The following CTCF variants were observed in gnomAD, a reference collection of about 807,000 sequenced individuals.
The protein encoded by CTCF is transcriptional repressor CTCF.
CTCF carries 7 observed loss-of-function variants against 72.3 expected under a neutral mutation model. The ratio of observed to expected loss-of-function variants is 0.10; its 90% confidence interval spans 0.06 to 0.18. The LOEUF (loss-of-function observed/expected upper bound fraction) is 0.18, where lower values mean the gene tolerates loss of function less well. Ranked by LOEUF, CTCF falls within the 10% of genes least tolerant of loss-of-function variation. CTCF has a pLI of 1.00. For missense variants in CTCF, 516 were observed against 949.1 expected (o/e 0.54, Z 6.00); for synonymous variants, 374 against 315.8 (o/e 1.18, Z -1.95).
intron 5 of CTCF, 58 bp from the exon 6 acceptor site, chr16:67,620,639 T>TTAG: frequency 7.0e-7 from 1 of 1,435,800 alleles, no homozygotes. Context: ...TAACCTACTG[T>TTAG]GCTCTTGTTA....
chr16:67,567,518 C>T (rs2051358905), intron 1 of CTCF, among the ~76,000 whole-genome samples: 1 of 152,090 alleles, frequency 6.6e-6, no homozygotes, highest in Non-Finnish European at 1.5e-5. Flanking sequence ...TGGAGTTTAG[C>T]TAATTGTGAG....
intron 2 of CTCF, among the ~76,000 whole-genome samples, chr16:67,607,486 A>T (rs1211969785): frequency 6.6e-6 from 1 of 151,288 alleles, no homozygotes; most frequent in Non-Finnish European, 1.5e-5. Context: ...TTGTATTTTT[A>T]GTAGAGATGG....
intron 2 of CTCF, among the ~76,000 whole-genome samples, chr16:67,605,272 C>T (rs767662957): frequency 6.6e-6 from 1 of 152,162 alleles, no homozygotes; most frequent in Admixed American, 6.5e-5. Context: ...CACGCTTGGC[C>T]TAAATGACAT....
chr16:67,566,067 C>G (rs1358105890), intron 1 of CTCF, among the ~76,000 whole-genome samples: 3 of 152,294 alleles, frequency 2.0e-5, no homozygotes, highest in Non-Finnish European at 2.9e-5. Context: ...ATCTGTCTGC[C>G]TAATTTACCT....
chr16:67,568,135 A>C (rs917518027), intron 1 of CTCF: 1 of 151,890 alleles, frequency 6.6e-6, no homozygotes, highest in African/African-American at 2.4e-5. Flanking sequence ...GCTGGAGTGC[A>C]GTGGCATGTT....
At chr16:67,576,632 C>G (rs973515951) in intron 2 of CTCF, among the ~76,000 whole-genome samples, 16 of 146,756 alleles carry the variant, frequency 1.1e-4, no homozygotes, top group African/African-American at 3.9e-4. Flanking sequence ...CTGCTCACTG[C>G]AAACTCCGCC....
At chr16:67,596,391 C>T (rs2051815270) in intron 2 of CTCF, among the ~76,000 whole-genome samples, 1 of 152,056 alleles carries the variant, frequency 6.6e-6, no homozygotes, top group Non-Finnish European at 1.5e-5. Context: ...TTTCAGTCAT[C>T]TATTTGTGTC....
intron 2 of CTCF, among the ~76,000 whole-genome samples, chr16:67,585,984 C>T (rs572188811): frequency 6.6e-6 from 1 of 152,230 alleles, no homozygotes; most frequent in South Asian, 2.1e-4. Context: ...TCCACCCTAC[C>T]CCCATGCAAT....
chr16:67,631,682 C>A (rs1209755742), intron 10 of CTCF, among the ~76,000 whole-genome samples: 2 of 57,106 alleles, frequency 3.5e-5, no homozygotes, highest in Non-Finnish European at 5.5e-5. Flanking sequence ...TCCCCCCCAC[C>A]CCCCCCCCCT....
At chr16:67,635,478 G>A (rs551447277) in intron 10 of CTCF, 4 of 151,702 alleles carry the variant, frequency 2.6e-5, no homozygotes, top group African/African-American at 7.3e-5. Flanking sequence ...TTTCGTTTTT[G>A]TTTTTTGTTT....
chr16:67,604,458 T>C (rs1186671516), intron 2 of CTCF, among the ~76,000 whole-genome samples: 1 of 152,186 alleles, frequency 6.6e-6, no homozygotes, highest in Non-Finnish European at 1.5e-5. Flanking sequence ...TTCTCCTGCC[T>C]CAGCCTCCCA....
chr16:67,568,417 C>T (rs752203892), intron 1 of CTCF: 1 of 145,386 alleles, frequency 6.9e-6, no homozygotes, highest in African/African-American at 2.6e-5. Flanking sequence ...GAGACGAAGT[C>T]TTCCTCTGTC....
At chr16:67,619,850 C>T (rs1597720230) in intron 5 of CTCF, among the ~76,000 whole-genome samples, 1 of 152,154 alleles carries the variant, frequency 6.6e-6, no homozygotes, top group African/African-American at 2.4e-5. Context: ...TGCCAAAGTG[C>T]TGGGACTACA....
At chr16:67,570,395 G>C (rs1195605048) in intron 1 of CTCF, among the ~76,000 whole-genome samples, 7 of 147,234 alleles carry the variant, frequency 4.8e-5, no homozygotes, top group Non-Finnish European at 3.0e-5. Flanking sequence ...TTAATTTTTT[G>C]GTAGTTTGAA....
chr16:67,602,687 T>C (rs964170758), intron 2 of CTCF, among the ~76,000 whole-genome samples: 8 of 151,374 alleles, frequency 5.3e-5, no homozygotes, highest in East Asian at 2.0e-4. Flanking sequence ...CCTAAAAATA[T>C]AAAATTAGCC....
chr16:67,604,730 G>GTTTTTTTTTTTTTTTTTTTT (rs533827293), intron 2 of CTCF, among the ~76,000 whole-genome samples: 19 of 123,722 alleles, frequency 1.5e-4, no homozygotes, highest in South Asian at 5.0e-4. Flanking sequence ...TTTCACCAGG[G>GTTTTTTTTTTTTTTTTTTTT]TTTTTTTTTT....
At chr16:67,566,984 T>C (rs1480538191) in intron 1 of CTCF, among the ~76,000 whole-genome samples, 1 of 152,152 alleles carries the variant, frequency 6.6e-6, no homozygotes, top group Non-Finnish European at 1.5e-5. Context: ...CAAATGATCC[T>C]GCCACCTCAG....
intron 2 of CTCF, among the ~76,000 whole-genome samples, chr16:67,582,648 G>A (rs577393046): frequency 5.9e-5 from 9 of 152,132 alleles, no homozygotes; most frequent in African/African-American, 9.6e-5. Context: ...AGCCGAGATC[G>A]CGCCACTGCA....
intron 2 of CTCF, among the ~76,000 whole-genome samples, chr16:67,579,617 C>T (rs1248451441): frequency 1.3e-5 from 2 of 152,102 alleles, no homozygotes; most frequent in Admixed American, 6.6e-5. Context: ...CCTCGGCCTC[C>T]CAATTGCCCT....
Sources: gnomAD v4.1 joint callset for allele counts (sites outside exome capture counted in the v4.1 genomes callset) on GRCh38, gnomAD v4.1.1 for gene constraint, MANE v1.5 for transcripts, NCBI Gene and HGNC (gene_info 2026-07-23, HGNC 2026-07-21) for gene names.